The following PHTF2 variants were observed in gnomAD, a reference collection of about 807,000 sequenced individuals.
The protein encoded by PHTF2 is putative homeodomain transcription factor 2.
In PHTF2, 60 loss-of-function variants were observed where a neutral mutation model predicts 101.2. The observed-to-expected ratio is 0.59, with a 90% CI of 0.48 to 0.73. PHTF2 has a LOEUF of 0.73. PHTF2 is among the 30% of genes least tolerant of loss of function. The pLI is 0.00. For missense variants in PHTF2, 747 were observed against 908.7 expected (o/e 0.82, Z 2.29); for synonymous variants, 311 against 307.3 (o/e 1.01, Z -0.13).
At chr7:77,860,456 T>C (rs1797547049) in intron 3 of PHTF2, among the ~76,000 whole-genome samples, 1 of 152,224 alleles carries the variant, frequency 6.6e-6, no homozygotes, top group Non-Finnish European at 1.5e-5. Context: ...TAGCTGGTTT[T>C]ATTTTTATTT....
At chr7:77,851,915 A>G (rs1584488917) in intron 2 of PHTF2, among the ~76,000 whole-genome samples, 1 of 152,110 alleles carries the variant, frequency 6.6e-6, no homozygotes, top group African/African-American at 2.4e-5. Flanking sequence ...TTGTATTTCT[A>G]TTTTATTTGT....
At chr7:77,940,491 C>G in intron 14 of PHTF2, 37 bp from the exon 14 acceptor site, 1 of 1,532,482 alleles carries the variant, frequency 6.5e-7, no homozygotes, top group Admixed American at 2.0e-5. Flanking sequence ...CTGTGGTAAT[C>G]TACTTGAAAA....
intron 5 of PHTF2, among the ~76,000 whole-genome samples, chr7:77,898,793 T>A (rs1801109335): frequency 1.3e-5 from 2 of 152,036 alleles, no homozygotes; most frequent in South Asian, 4.1e-4. Flanking sequence ...ATTTATTTAT[T>A]TATTTATTTT....
intron 12 of PHTF2, among the ~76,000 whole-genome samples, chr7:77,931,723 A>G (rs887410944): frequency 2.0e-5 from 3 of 152,226 alleles, no homozygotes; most frequent in African/African-American, 7.2e-5. Context: ...AAACTTTAGA[A>G]GATAGGCACT....
At chr7:77,949,975 A>G (rs1161456951) in intron 17 of PHTF2, 142 bp downstream of exon 16, 1 of 502,538 alleles carries the variant, frequency 2.0e-6, no homozygotes, top group African/African-American at 2.0e-5. Context: ...AATAGGACAC[A>G]AGCCTTTCTT....
chr7:77,845,331 A>AG (rs751650777), intron 2 of PHTF2, among the ~76,000 whole-genome samples: 1 of 152,210 alleles, frequency 6.6e-6, no homozygotes, highest in Non-Finnish European at 1.5e-5. Context: ...CAAATTTAAA[A>AG]GGGAAAAAAA....
chr7:77,934,884 G>A (rs189681362), intron 12 of PHTF2, among the ~76,000 whole-genome samples: 66 of 152,102 alleles, frequency 4.3e-4, no homozygotes, highest in Admixed American at 1.2e-3. Flanking sequence ...GCTTGAACCC[G>A]GGAGGCGAAG....
intron 12 of PHTF2, among the ~76,000 whole-genome samples, chr7:77,936,779 C>T (rs537805591): frequency 6.8e-6 from 1 of 146,524 alleles, no homozygotes; most frequent in East Asian, 2.0e-4. Flanking sequence ...TTTAGTGTTA[C>T]TTCTCCTCTT....
Position 77,826,056 on chromosome 7 carries a change from C to T in PHTF2, c.-35-14165C>T, listed in dbSNP as rs879854732. Among the ~76,000 whole-genome samples, 5 of 152,140 alleles carry T rather than the reference C, an allele frequency of 3.3e-5. No homozygotes were observed. In the South Asian group the frequency reaches 8.3e-4, roughly 25 times the overall value. On this transcript the variant is annotated intron_variant, in intron 1 of 19. Coordinates refer to ENST00000416283, the Ensembl canonical transcript of PHTF2. ...AAAATATGAAATGATTAAAATTGAC[C>T]ATATCCTAGTAGTTTTTAACTTCAA...
chr7:77,801,561 G>C (rs1234873697), intron 1 of PHTF2, among the ~76,000 whole-genome samples: 1 of 152,004 alleles, frequency 6.6e-6, no homozygotes, highest in East Asian at 1.9e-4. Context: ...ACTTGGCCTG[G>C]GTGACAGAGC....
chr7:77,803,830 T>A (rs1000322184), intron 1 of PHTF2, among the ~76,000 whole-genome samples: 1 of 151,994 alleles, frequency 6.6e-6, no homozygotes, highest in Non-Finnish European at 1.5e-5. Flanking sequence ...CCGGCAGAGT[T>A]GAATAATCAT....
intron 5 of PHTF2, chr7:77,895,134 T>C (rs1416753429): frequency 2.2e-6 from 1 of 455,828 alleles, no homozygotes; most frequent in African/African-American, 2.0e-5. Context: ...TAGAAATATC[T>C]ATTTGGTACT....
At chr7:77,949,889 C>T in intron 17 of PHTF2, 56 bp downstream of exon 16, 2 of 931,992 alleles carry the variant, frequency 2.1e-6, no homozygotes, top group Non-Finnish European at 3.1e-6. Flanking sequence ...AAAATGTTTT[C>T]ATTTCCTTTA....
At chr7:77,814,399 A>G (rs1468177207) in intron 1 of PHTF2, among the ~76,000 whole-genome samples, 1 of 152,184 alleles carries the variant, frequency 6.6e-6, no homozygotes, top group South Asian at 2.1e-4. Flanking sequence ...CAACAGCACT[A>G]TAATTCATGT....
At chr7:77,867,824 C>T (rs1798191119) in intron 3 of PHTF2, among the ~76,000 whole-genome samples, 1 of 152,092 alleles carries the variant, frequency 6.6e-6, no homozygotes, top group Non-Finnish European at 1.5e-5. Context: ...ACTTAATCTA[C>T]AGCTTGATGC....
chr7:77,939,589 CAAAAAAA>C (rs914007792), intron 13 of PHTF2, among the ~76,000 whole-genome samples: 16 of 75,112 alleles, frequency 2.1e-4, no homozygotes, highest in Admixed American at 8.0e-4. Context: ...GACCCTGTCT[CAAAAAAA>C]AAAAAAAAAA....
chr7:77,801,051 G>A (rs1792503840), intron 1 of PHTF2, among the ~76,000 whole-genome samples: 1 of 152,206 alleles, frequency 6.6e-6, no homozygotes, highest in African/African-American at 2.4e-5. Context: ...ATTGTACACA[G>A]TAACACTTTG....
intron 3 of PHTF2, among the ~76,000 whole-genome samples, chr7:77,859,703 A>G (rs182532583): frequency 1.2e-3 from 177 of 151,852 alleles, no homozygotes; most frequent in African/African-American, 4.2e-3. Flanking sequence ...AGCTGAGGCT[A>G]TGACTATAGG....
chr7:77,920,407 C>G lies in PHTF2; in HGVS notation c.905C>G (p.Thr302Ser), dbSNP rs570568488. The G allele has an allele frequency of 2.9e-5, 46 of 1,613,572 alleles. No homozygotes were observed. The South Asian group carries it at 5.1e-4, about 18-fold the overall frequency. Residue 302 changes from threonine (T) to serine (S), a missense_variant, in exon 10 of 20, where the codon ACT (threonine) becomes AGT (serine). Thr to Ser is a moderately conservative substitution (Grantham distance 58). Around this residue, in one of 6 missense-constraint regions of PHTF2, gnomAD observed 349 missense variants for 369.7 expected, o/e 0.94. Transcript: ENST00000416283. ...CAAAACCATGAACCTCAGTGTGAAA[C>G]TATTCGACCAGAAGAGACAGCCTGG...
Sources: allele counts gnomAD v4.1 joint callset (sites outside exome capture counted in the v4.1 genomes callset), GRCh38; gene constraint gnomAD v4.1.1; regional missense constraint gnomAD v4.1.1; transcripts MANE v1.5; gene names NCBI Gene and HGNC (gene_info 2026-07-23, HGNC 2026-07-21).